The following CD3D variants were observed in gnomAD, a reference collection of about 807,000 sequenced individuals.
The protein encoded by CD3D is T-cell surface glycoprotein CD3 delta chain.
In CD3D, 22 loss-of-function variants were observed where a neutral mutation model predicts 22.0. The observed-to-expected ratio is 1.00, with a 90% CI of 0.71 to 1.43. CD3D has a LOEUF of 1.43. Ranked by LOEUF, CD3D falls within the 40% of genes most tolerant of loss-of-function variation. The pLI, the probability that CD3D is intolerant of heterozygous loss-of-function variation, is 0.00. For missense variants in CD3D, 205 were observed against 211.7 expected (o/e 0.97, Z 0.20); for synonymous variants, 74 against 81.2 (o/e 0.91, Z 0.48).
chr11:118,340,697 G>C, intron 1 of CD3D, 104 bp from the exon 2 acceptor site: 1 of 841,274 alleles, frequency 1.2e-6, no homozygotes, highest in Non-Finnish European at 2.0e-6. Context: ...TCCTGGTCCA[G>C]GACAGTTTAT....
intron 4 of CD3D, 105 bp from the exon 5 acceptor site, chr11:118,339,332 C>T (rs775203878): frequency 7.3e-5 from 108 of 1,483,688 alleles, no homozygotes; most frequent in Middle Eastern, 3.9e-4. Flanking sequence ...CCTCTCCAGT[C>T]ACACCCAGCA....
chr11:118,339,337 C>T, intron 4 of CD3D, 110 bp from the exon 5 acceptor site: 1 of 1,486,450 alleles, frequency 6.7e-7, no homozygotes, highest in Non-Finnish European at 9.4e-7. Flanking sequence ...CCAGTCACAC[C>T]CAGCAATGAA....
intron 1 of CD3D, among the ~76,000 whole-genome samples, chr11:118,341,781 T>C (rs1278515594): frequency 1.3e-5 from 2 of 152,174 alleles, no homozygotes; most frequent in Non-Finnish European, 1.5e-5. Context: ...AATCCTACCA[T>C]GTAACAACCC....
chr11:118,340,388 T>G lies in CD3D; in HGVS notation c.261A>C (p.Gln87His). ...DIYKDKESTV[Q>H]VHYRMCQSCV... is the part of the protein sequence containing the mutation. ...GGAAGCACGTACTTCGATAATGAAC[T>G]TGCACGGTAGATTCTTTGTCCTTGT... is the stretch of plus-strand genomic sequence containing the variant. The change falls in exon 2 of 5, where the codon CAA becomes CAC. Residue 87 changes from glutamine to histidine, a missense_variant. Gln to His is a conservative substitution (Grantham distance 24). Coordinates refer to ENST00000300692, the MANE Select transcript of CD3D (RefSeq NM_000732.6). The G allele has an allele frequency of 6.2e-7, 1 of 1,613,772 alleles. No individual in the cohort carries two copies. Among genetic ancestry groups the G allele is most frequent in the South Asian group, 1.1e-5 (1 of 91,080 alleles).
intron 1 of CD3D, among the ~76,000 whole-genome samples, chr11:118,342,148 G>C (rs1237646673): frequency 6.6e-6 from 1 of 151,662 alleles, no homozygotes; most frequent in Non-Finnish European, 1.5e-5. Flanking sequence ...GGGGTGCCTG[G>C]TGAACTGAAG....
intron 1 of CD3D, 90 bp downstream of exon 1, chr11:118,342,463 G>T: frequency 8.4e-7 from 1 of 1,190,902 alleles, no homozygotes; most frequent in Non-Finnish European, 1.3e-6. Context: ...GAGCCACCGT[G>T]CCTGGCAAGA....
At chr11:118,339,345 G>GA in intron 4 of CD3D, 106 bp downstream of exon 4, 1 of 1,485,430 alleles carries the variant, frequency 6.7e-7, no homozygotes, top group Non-Finnish European at 9.4e-7. Flanking sequence ...ACCCAGCAAT[G>GA]AACTCCCCAG....
At chr11:118,339,536 G>T in intron 3 of CD3D, 42 bp from the exon 4 acceptor site, 2 of 1,611,578 alleles carry the variant, frequency 1.2e-6, no homozygotes, top group Non-Finnish European at 1.7e-6. Context: ...TAGCAGATGG[G>T]ACTGTGAGAT....
At chr11:118,339,368 C>A in intron 4 of CD3D, 83 bp downstream of exon 4, 2 of 1,538,976 alleles carry the variant, frequency 1.3e-6, no homozygotes, top group Non-Finnish European at 1.8e-6. Flanking sequence ...GGACCCTTCC[C>A]ACGTGCAAAC....
At chr11:118,342,052 T>A (rs148892644) in intron 1 of CD3D, among the ~76,000 whole-genome samples, 4 of 152,284 alleles carry the variant, frequency 2.6e-5, no homozygotes, top group Non-Finnish European at 4.4e-5. Context: ...TAGGCCCACA[T>A]GCACCCATGG....
rs1180673589 is a variant in CD3D at position 118,342,555 on chromosome 11, TGC to T, written c.51_52del (p.Gln18SerfsTer12). Reference sequence around the variant, plus strand: ...CCACCCACCTGGAGTAGCCTTACCTTGCGAGAGAAGGGTAGCCAGTACCAGGC... The same window carrying T: ...CCACCCACCTGGAGTAGCCTTACCTTGAGAGAAGGGTAGCCAGTACCAGGC... On this transcript the variant is annotated frameshift_variant, in exon 1 of 5. Transcript: ENST00000300692. LOFTEE classifies it high-confidence loss of function. 11 of 1,613,422 alleles carry T rather than the reference TGC, an allele frequency of 6.8e-6. No individual in the cohort carries two copies. The highest frequency in any genetic ancestry group is 9.3e-6 in the Non-Finnish European group (11 of 1,179,630).
intron 1 of CD3D, among the ~76,000 whole-genome samples, chr11:118,341,718 G>A (rs570202750): frequency 2.1e-4 from 32 of 152,080 alleles, no homozygotes; most frequent in Non-Finnish European, 3.5e-4. Flanking sequence ...GGGGTTCCTC[G>A]GACATGGGAC....
At chr11:118,339,358 G>A in intron 4 of CD3D, 93 bp downstream of exon 4, 3 of 1,515,210 alleles carry the variant, frequency 2.0e-6, no homozygotes, top group Non-Finnish European at 2.8e-6. Flanking sequence ...CTCCCCAGTA[G>A]GACCCTTCCC....
At chr11:118,341,096 G>C (rs1194939129) in intron 1 of CD3D, among the ~76,000 whole-genome samples, 1 of 152,166 alleles carries the variant, frequency 6.6e-6, no homozygotes, top group African/African-American at 2.4e-5. Flanking sequence ...AACCAAGAAA[G>C]CGGGGCTCTC....
intron 1 of CD3D, among the ~76,000 whole-genome samples, chr11:118,341,653 C>A (rs1313197993): frequency 6.6e-6 from 1 of 152,140 alleles, no homozygotes; most frequent in Non-Finnish European, 1.5e-5. Flanking sequence ...ATCCTGAGTG[C>A]CCTAGTGCAG....
chr11:118,342,561 A>G lies in CD3D; in HGVS notation c.47T>C (p.Leu16Pro). Residue 16 changes from leucine (L) to proline (P), a missense_variant, in exon 1 of 5, where the codon CTC becomes CCC. Coordinates refer to ENST00000300692, the MANE Select transcript of CD3D (RefSeq NM_000732.6). Reference protein sequence around the residue: ...FLSGLVLATLLSQVSPFKIPI... With the variant: ...FLSGLVLATLPSQVSPFKIPI... Reference sequence around the variant, plus strand: ...ACCTGGAGTAGCCTTACCTTGCGAGAGAAGGGTAGCCAGTACCAGGCCAGA... The same window carrying G: ...ACCTGGAGTAGCCTTACCTTGCGAGGGAAGGGTAGCCAGTACCAGGCCAGA... 1 of 1,613,696 alleles carries G rather than the reference A, an allele frequency of 6.2e-7. No homozygotes were observed. Among genetic ancestry groups the G allele is most frequent in the Non-Finnish European group, 8.5e-7 (1 of 1,179,722 alleles).
intron 1 of CD3D, among the ~76,000 whole-genome samples, chr11:118,341,168 C>A (rs1327059012): frequency 6.6e-6 from 1 of 152,154 alleles, no homozygotes; most frequent in African/African-American, 2.4e-5. Context: ...GGTTTACCAG[C>A]CCCTGAATTA....
At chr11:118,340,010 A>C in intron 2 of CD3D, 104 bp from the exon 3 acceptor site, 1 of 1,361,120 alleles carries the variant, frequency 7.3e-7, no homozygotes, top group Non-Finnish European at 1.0e-6. Flanking sequence ...CCAAAACCCA[A>C]ACTTCAATAA....
chr11:118,339,321 A>T lies in CD3D; in HGVS notation c.451-94T>A, dbSNP rs540530963. On this transcript the variant is annotated intron_variant, in intron 4 of 4. Transcript: ENST00000300692. ...CCCTGACGATGAGAGCTCCTGCCTGACCTCTCCAGTCACACCCAGCAATGA... is the reference window on the plus strand; with the variant it reads ...CCCTGACGATGAGAGCTCCTGCCTGTCCTCTCCAGTCACACCCAGCAATGA... The T allele has an allele frequency of 2.5e-5, 37 of 1,484,886 alleles. No homozygotes were observed. In the East Asian group the frequency reaches 7.5e-4, roughly 30 times the overall value. The allele number at this position is 1,484,886 out of a possible 1,614,324, so 92.0% of individuals were successfully genotyped here. A position where few individuals can be genotyped will look rare whatever the true frequency, so the allele number is the denominator to read the frequency against.
Sources: gnomAD v4.1 joint callset for allele counts (sites outside exome capture counted in the v4.1 genomes callset) on GRCh38, gnomAD v4.1.1 for gene constraint, MANE v1.5 for transcripts, NCBI Gene and HGNC (gene_info 2026-07-23, HGNC 2026-07-21) for gene names.